Variants in CLK3 observed in about 807,000 individuals in gnomAD.
The protein encoded by CLK3 is CDC like kinase 3, also known as dual specificity protein kinase CLK3.
A neutral mutation model predicts 65.2 loss-of-function variants in CLK3; 24 were observed. The observed-to-expected ratio is 0.37, with a 90% CI of 0.27 to 0.52. The LOEUF (loss-of-function observed/expected upper bound fraction) is 0.52. Ranked by LOEUF, CLK3 falls within the 20% of genes least tolerant of loss-of-function variation. The pLI, the probability that CLK3 is intolerant of heterozygous loss-of-function variation, is 0.92. For synonymous variants in CLK3, 252 were observed against 240.8 expected, an observed-to-expected ratio of 1.05 and a Z score of -0.43; for missense variants, 506 against 660.0, an observed-to-expected ratio of 0.77 and a Z score of 2.56.
chr15:74,610,039 G>A (rs2061968416), intron 1 of CLK3, among the ~76,000 whole-genome samples: 1 of 152,262 alleles, frequency 6.6e-6, no homozygotes, highest in African/African-American at 2.4e-5. Context: ...TCCTTCTCTA[G>A]ATAATGCTTC....
chr15:74,615,505 G>C (rs1281933751), upstream of CLK3: 3 of 1,308,748 alleles, frequency 2.3e-6, no homozygotes, highest in Non-Finnish European at 1.9e-6. Context: ...ACGCGGGGTC[G>C]GGGCGACGGA....
chr15:74,616,139 C>G (rs531250937), intron 1 of CLK3, among the ~76,000 whole-genome samples: 20 of 152,212 alleles, frequency 1.3e-4, no homozygotes, highest in African/African-American at 4.8e-4. Flanking sequence ...CCTCTGGGGC[C>G]GCTCAAGGGT....
Position 74,615,899 on chromosome 15 carries a change from G to GT in CLK3, c.-1+2dup. On this transcript the variant is annotated splice_donor_variant, in intron 1 of 12. Coordinates refer to ENST00000395066, the MANE Select transcript of CLK3 (RefSeq NM_001130028.2). LOFTEE classifies it low-confidence loss of function (5UTR_SPLICE). ...AGCTGCAGCCGGAGCCTGGGAGACGGTAAGTGTGGGCTGGGGTCCGCGGCG... is the reference window on the plus strand; with the variant it reads ...AGCTGCAGCCGGAGCCTGGGAGACGGTTAAGTGTGGGCTGGGGTCCGCGGCG... The GT allele has an allele frequency of 5.6e-6, 7 of 1,252,426 alleles. No homozygotes were observed. In the South Asian group the frequency reaches 2.4e-4, roughly 42 times the overall value. The allele number at this position is 1,252,426 out of a possible 1,614,324, so 77.6% of individuals were successfully genotyped here.
At chr15:74,618,967 C>A in intron 1 of CLK3, 4 of 489,020 alleles carry the variant, frequency 8.2e-6, no homozygotes, top group Non-Finnish European at 1.1e-5. Context: ...GCTAGTGATG[C>A]TCTGCTGGGA....
In CLK3 at chr15:74,628,690, A is replaced by AT. The variant is rs1368242822; in HGVS notation, c.1205+7_1205+8insT. On this transcript the variant is annotated splice_region_variant and intron_variant, in intron 11 of 12. Coordinates refer to ENST00000395066, the MANE Select transcript of CLK3 (RefSeq NM_001130028.2). ...ACATGATCCACCGTACCAGGTAAGG[A>AT]CCCCAGTAGCCCCCTCAGGGTTGGT... 3 of 1,608,102 alleles carry AT rather than the reference A, an allele frequency of 1.9e-6. No homozygotes were observed. The East Asian group carries it at 6.7e-5, about 36-fold the overall frequency.
At chr15:74,609,029 C>A (rs1469338134) in intron 1 of CLK3, among the ~76,000 whole-genome samples, 3 of 152,214 alleles carry the variant, frequency 2.0e-5, no homozygotes, top group Non-Finnish European at 4.4e-5. Context: ...CTGCAATGGC[C>A]CCCCAACACC....
At chr15:74,610,957 G>C (rs187480511), upstream of CLK3, among the ~76,000 whole-genome samples, 1 of 152,180 alleles carries the variant, frequency 6.6e-6, no homozygotes, top group East Asian at 1.9e-4. Context: ...CCCTCAGCTT[G>C]CACAGCCATC....
At chr15:74,609,440 C>A (rs536492288) in intron 1 of CLK3, among the ~76,000 whole-genome samples, 180 of 152,356 alleles carry the variant, frequency 1.2e-3, no homozygotes, top group Non-Finnish European at 1.9e-3. Context: ...ATTCTCCTTT[C>A]CTCTGTGCCC....
chr15:74,627,747 G>C lies in CLK3; in HGVS notation c.1042+79G>C. ...TATGAGCAGAGGCAGTGGCATGCCTGTCATTCTCTGCCACCCAGGGCAGGC... is the reference window on the plus strand; with the variant it reads ...TATGAGCAGAGGCAGTGGCATGCCTCTCATTCTCTGCCACCCAGGGCAGGC... On this transcript the variant is annotated intron_variant, in intron 9 of 12. Coordinates refer to ENST00000395066, the MANE Select transcript of CLK3 (RefSeq NM_001130028.2). The surrounding 1 kb of genome is among the most constrained non-coding windows in gnomAD (Gnocchi z 4.3). The C allele has an allele frequency of 6.3e-7, 1 of 1,577,814 alleles. No homozygotes were observed. Among genetic ancestry groups the C allele is most frequent in the Non-Finnish European group, 8.7e-7 (1 of 1,151,550 alleles).
chr15:74,628,137 G>A, intron 10 of CLK3, 85 bp downstream of exon 10: 1 of 887,284 alleles, frequency 1.1e-6, no homozygotes, highest in Non-Finnish European at 1.9e-6. Context: ...GCCCCACATG[G>A]ATGAGAAGAC....
At chr15:74,619,442 C>T in intron 2 of CLK3, 94 bp downstream of exon 2, 1 of 1,395,360 alleles carries the variant, frequency 7.2e-7, no homozygotes, top group Non-Finnish European at 9.9e-7. Context: ...CCATCCCTGC[C>T]CAGCTGTCCC....
rs2062110300 is a variant in CLK3 at position 74,622,331 on chromosome 15, G to A, written c.466+115G>A. 1 of 1,076,462 alleles carries A rather than the reference G, an allele frequency of 9.3e-7. No homozygotes were observed. The highest frequency in any genetic ancestry group is 2.4e-5 in the East Asian group (1 of 41,674). The allele number at this position is 1,076,462 out of a possible 1,614,324, so 66.7% of individuals were successfully genotyped here. On this transcript the variant is annotated intron_variant, in intron 4 of 12. Transcript: ENST00000395066. The surrounding 1 kb of genome is among the most constrained non-coding windows in gnomAD (Gnocchi z 4.6). ...GCGTGGTGCCTTAGCGGGGCCACCA[G>A]TAATTGCCTGAATGACACAGACACT... is the stretch of plus-strand genomic sequence containing the variant.
chr15:74,619,492 C>A, intron 2 of CLK3, 144 bp downstream of exon 2: 1 of 835,100 alleles, frequency 1.2e-6, no homozygotes, highest in Non-Finnish European at 1.9e-6. Flanking sequence ...CTCCACTAAC[C>A]TCACCTGCAT....
At chr15:74,625,464 G>A (rs746169011) in intron 6 of CLK3, among the ~76,000 whole-genome samples, 2 of 152,258 alleles carry the variant, frequency 1.3e-5, no homozygotes, top group African/African-American at 2.4e-5. Context: ...CCAGTCCTGC[G>A]GAGTGCACTA....
At chr15:74,617,225 A>G (rs1320063435) in intron 1 of CLK3, among the ~76,000 whole-genome samples, 3 of 152,214 alleles carry the variant, frequency 2.0e-5, no homozygotes, top group African/African-American at 7.2e-5. Flanking sequence ...GTCTAAGGTC[A>G]TGAGGCTGGT....
At chr15:74,625,525 C>T (rs917242065) in intron 6 of CLK3, among the ~76,000 whole-genome samples, 6 of 152,160 alleles carry the variant, frequency 3.9e-5, no homozygotes, top group African/African-American at 1.4e-4. Context: ...GCTTCCATAT[C>T]ATAAGTAGGG....
intron 3 of CLK3, chr15:74,620,445 C>T: frequency 3.0e-6 from 2 of 662,444 alleles, no homozygotes; most frequent in Non-Finnish European, 5.1e-6. Flanking sequence ...ACTGTAGGAA[C>T]TCTGGCTCCG....
Position 74,622,102 on chromosome 15 carries a change from G to A in CLK3, c.370-18G>A, listed in dbSNP as rs1409876416. On this transcript the variant is annotated intron_variant, in intron 3 of 12. Coordinates refer to ENST00000395066, the MANE Select transcript of CLK3 (RefSeq NM_001130028.2). This position sits in a 1 kb window ranked among gnomAD's most constrained non-coding sequence, Gnocchi z 4.6. ...CATGCGATTGGTCGGATGGCGTTTC[G>A]GGGGGCGGTGCATGCAGAGAAGCCA... The A allele has an allele frequency of 2.5e-6, 4 of 1,612,120 alleles. No homozygotes were observed. The highest frequency in any genetic ancestry group is 3.4e-6 in the Non-Finnish European group (4 of 1,178,386).
chr15:74,611,500 G>T (rs748850113), upstream of CLK3, among the ~76,000 whole-genome samples: 3 of 152,258 alleles, frequency 2.0e-5, no homozygotes, highest in African/African-American at 7.2e-5. Context: ...GGCACTGCCC[G>T]AAGACGGCTT....
Sources: gnomAD v4.1 joint callset for allele counts (sites outside exome capture counted in the v4.1 genomes callset) on GRCh38, gnomAD v4.1.1 for gene constraint, Gnocchi (gnomAD v3.1) non-coding constraint, MANE v1.5 for transcripts, NCBI Gene and HGNC (gene_info 2026-07-23, HGNC 2026-07-21) for gene names.